Variants in ULK4 observed in about 807,000 individuals in gnomAD.
The protein encoded by ULK4 is unc-51 like kinase 4.
ULK4 carries 133 observed loss-of-function variants against 160.6 expected under a neutral mutation model. The observed-to-expected ratio is 0.83, with a 90% confidence interval of 0.72 to 0.96. The LOEUF (loss-of-function observed/expected upper bound fraction) is 0.96, where lower values mean the gene tolerates loss of function less well. Among genes scored for constraint, ULK4 ranks in the 40% least tolerant of loss-of-function variants. The pLI, the probability that ULK4 is intolerant of heterozygous loss-of-function variation, is 0.00. For missense variants in ULK4, 1,580 were observed against 1,499.5 expected (o/e 1.05, Z -0.89); for synonymous variants, 534 against 539.8 (o/e 0.99, Z 0.15).
At chr3:41,542,980 A>G (rs1349159742) in intron 32 of ULK4, among the ~76,000 whole-genome samples, 2 of 152,132 alleles carry the variant, frequency 1.3e-5, no homozygotes, top group Non-Finnish European at 1.5e-5. Context: ...CTCAACTACA[A>G]TTATGAGCCA....
At chr3:41,275,904 G>T (rs1045858356) in intron 35 of ULK4, among the ~76,000 whole-genome samples, 3 of 152,220 alleles carry the variant, frequency 2.0e-5, no homozygotes, top group Non-Finnish European at 4.4e-5. Context: ...TTGGGTATGG[G>T]CTTTGTCTAT....
chr3:41,273,426 T>A (rs1351100680), intron 35 of ULK4, among the ~76,000 whole-genome samples: 1 of 152,192 alleles, frequency 6.6e-6, no homozygotes, highest in African/African-American at 2.4e-5. Flanking sequence ...TCCCTTTGGA[T>A]GGCTCTTTTC....
At chr3:41,305,837 A>G (rs1394684722) in intron 35 of ULK4, among the ~76,000 whole-genome samples, 2 of 116,792 alleles carry the variant, frequency 1.7e-5, no homozygotes, top group East Asian at 2.7e-4. Flanking sequence ...CCGGCCGCCC[A>G]TAGTCTGAGA....
At chr3:41,338,872 G>A (rs2080622554) in intron 35 of ULK4, among the ~76,000 whole-genome samples, 1 of 151,872 alleles carries the variant, frequency 6.6e-6, no homozygotes. Flanking sequence ...AGGGCAGACT[G>A]ATATCCCAGC....
At chr3:41,711,545 T>C (rs2037095901) in intron 25 of ULK4, among the ~76,000 whole-genome samples, 1 of 152,182 alleles carries the variant, frequency 6.6e-6, no homozygotes, top group Non-Finnish European at 1.5e-5. Context: ...GTGCACTAGC[T>C]CTGGCTTTTC....
intron 22 of ULK4, among the ~76,000 whole-genome samples, chr3:41,746,730 T>G (rs1264300770): frequency 6.6e-6 from 1 of 151,842 alleles, no homozygotes; most frequent in African/African-American, 2.4e-5. Context: ...TGCCCAATAT[T>G]AAGCCTTATT....
At chr3:41,294,766 A>C (rs2079637798) in intron 35 of ULK4, among the ~76,000 whole-genome samples, 1 of 152,204 alleles carries the variant, frequency 6.6e-6, no homozygotes, top group Non-Finnish European at 1.5e-5. Context: ...ATTTGAGAAA[A>C]ACTACAAAAA....
intron 21 of ULK4, among the ~76,000 whole-genome samples, chr3:41,768,741 T>C (rs2039253486): frequency 6.6e-6 from 1 of 152,204 alleles, no homozygotes; most frequent in Admixed American, 6.5e-5. Flanking sequence ...TTGGGTGGTT[T>C]GTTACACAGC....
chr3:41,569,510 T>C (rs953478079), intron 31 of ULK4, among the ~76,000 whole-genome samples: 1 of 152,078 alleles, frequency 6.6e-6, no homozygotes, highest in African/African-American at 2.4e-5. Flanking sequence ...TAAAAAAAAC[T>C]GAAAAACAAA....
In ULK4 at chr3:41,365,904, C is replaced by G. The variant is rs374113027; in HGVS notation, c.3678+32175G>C. Among the ~76,000 whole-genome samples the G allele has an allele frequency of 5.9e-5, 9 of 152,084 alleles. No individual in the cohort carries two copies. In the East Asian group the frequency reaches 1.2e-3, roughly 20 times the overall value. ...GATTTTCTTGATTAAAGACATAAAT[C>G]AAGTTGGTTAAAATCAAATACTCCA... On this transcript the variant is annotated intron_variant, in intron 35 of 36. Transcript: ENST00000301831.
At chr3:41,313,567 A>C (rs1183364235) in intron 35 of ULK4, among the ~76,000 whole-genome samples, 1 of 151,874 alleles carries the variant, frequency 6.6e-6, no homozygotes, top group Non-Finnish European at 1.5e-5. Flanking sequence ...CTTTGGGTTT[A>C]TTCTATTATT....
rs10538989 is a variant in ULK4, at chr3:41,384,014, GGA to G, written c.3678+14063_3678+14064del. On this transcript the variant is annotated intron_variant, in intron 35 of 36. Transcript: ENST00000301831. ...CTTTAAAAAGTCAATGTGGGAAATA[GGA>G]GAATATTCACAGAGTTCCATGTATC... Among the ~76,000 whole-genome samples the G allele has an allele frequency of 6.9e-3, 1,056 of 152,244 alleles. 4 individuals carry two copies. The highest frequency in any genetic ancestry group is 0.016 in the African/African-American group (653 of 41,524).
chr3:41,358,876 T>TGGAGGGTGGA (rs1325969566), intron 35 of ULK4, among the ~76,000 whole-genome samples: 1 of 151,794 alleles, frequency 6.6e-6, no homozygotes, highest in East Asian at 1.9e-4. Context: ...TGAGGGGCAA[T>TGGAGGGTGGA]GGTGGAAGCA....
chr3:41,931,678 G>T (rs891215011), intron 5 of ULK4, 166 bp downstream of exon 5: 2 of 797,706 alleles, frequency 2.5e-6, no homozygotes, highest in Admixed American at 2.5e-5. Context: ...AATACTTTAG[G>T]CCATGGACAA....
At chr3:41,536,019 C>A (rs763584653) in intron 32 of ULK4, among the ~76,000 whole-genome samples, 1 of 152,198 alleles carries the variant, frequency 6.6e-6, no homozygotes, top group Non-Finnish European at 1.5e-5. Context: ...CCCCCTCTTC[C>A]CCTGCAGTCT....
At chr3:41,472,188 A>T (rs1250269376) in intron 32 of ULK4, among the ~76,000 whole-genome samples, 6 of 152,170 alleles carry the variant, frequency 3.9e-5, no homozygotes, top group Admixed American at 3.9e-4. Context: ...TATTGTAAAC[A>T]ACTAAATGTC....
At chr3:41,482,191 C>T (rs2084352539) in intron 32 of ULK4, among the ~76,000 whole-genome samples, 1 of 152,180 alleles carries the variant, frequency 6.6e-6, no homozygotes, top group Non-Finnish European at 1.5e-5. Context: ...TCTGGTAACA[C>T]AGGTACCACC....
chr3:41,507,034 G>A (rs758707300), intron 32 of ULK4, among the ~76,000 whole-genome samples: 117 of 148,904 alleles, frequency 7.9e-4, no homozygotes, highest in Admixed American at 1.3e-3. Flanking sequence ...TTGCTATAAA[G>A]CAGTTCATGT....
At chr3:41,280,908 G>C (rs933631491) in intron 35 of ULK4, among the ~76,000 whole-genome samples, 1 of 151,946 alleles carries the variant, frequency 6.6e-6, no homozygotes, top group Non-Finnish European at 1.5e-5. Flanking sequence ...TAGACTGCTC[G>C]CAAGACTAAT....
Sources: gnomAD v4.1 joint callset for allele counts (sites outside exome capture counted in the v4.1 genomes callset) on GRCh38, gnomAD v4.1.1 for gene constraint, MANE v1.5 for transcripts, NCBI Gene and HGNC (gene_info 2026-07-23, HGNC 2026-07-21) for gene names.